The following PRKAR1B variants were observed in gnomAD, a reference collection of about 807,000 sequenced individuals.
PRKAR1B encodes the protein protein kinase cAMP-dependent type I regulatory subunit beta, also known as cAMP-dependent protein kinase type I-beta regulatory subunit.
PRKAR1B carries 22 observed loss-of-function variants against 46.5 expected under a neutral mutation model. The ratio of observed to expected loss-of-function variants is 0.47; its 90% CI spans 0.34 to 0.68. The LOEUF is 0.68. Ranked by LOEUF, PRKAR1B falls within the 30% of genes least tolerant of loss-of-function variation. The pLI, the probability that PRKAR1B is intolerant of heterozygous loss-of-function variation, is 0.01. For missense variants in PRKAR1B, 445 were observed against 535.6 expected (o/e 0.83, Z 1.67); for synonymous variants, 259 against 217.7 (o/e 1.19, Z -1.67).
chr7:724,557 A>T (rs1437012491), intron 1 of PRKAR1B, among the ~76,000 whole-genome samples: 1 of 152,218 alleles, frequency 6.6e-6, no homozygotes, highest in Non-Finnish European at 1.5e-5. Flanking sequence ...TCCCTGTATA[A>T]GTTACCCAGT....
chr7:644,760 G>A lies in PRKAR1B; in HGVS notation c.440+32469C>T, dbSNP rs1583348704. On this transcript the variant is annotated intron_variant, in intron 4 of 10. Coordinates refer to ENST00000537384, the MANE Select transcript of PRKAR1B (RefSeq NM_001164760.2). The surrounding 1 kb of genome is among the most constrained non-coding windows in gnomAD (Gnocchi z 4.9). ...CTCCCTCCCAGAGGGCAGGCACCAG[G>A]GCCAGACCCTTCCCCCAGACACCTC... Among the ~76,000 whole-genome samples the A allele has an allele frequency of 6.6e-6, 1 of 152,240 alleles. No individual in the cohort carries two copies. Among genetic ancestry groups the A allele is most frequent in the African/African-American group, 2.4e-5 (1 of 41,560 alleles).
At chr7:664,195 G>A (rs948340297) in intron 4 of PRKAR1B, among the ~76,000 whole-genome samples, 2 of 152,188 alleles carry the variant, frequency 1.3e-5, no homozygotes, top group Non-Finnish European at 2.9e-5. Context: ...GCTGGCAGGC[G>A]ACGGGGCTAT....
At chr7:685,371 T>C (rs1453314206) in intron 2 of PRKAR1B, among the ~76,000 whole-genome samples, 501 of 30,798 alleles carry the variant, frequency 0.016, 3 homozygotes, top group Admixed American at 0.029. Context: ...TATACACATA[T>C]ATATATATAC....
chr7:725,243 A>C (rs1440650101), intron 1 of PRKAR1B, among the ~76,000 whole-genome samples: 2 of 152,048 alleles, frequency 1.3e-5, no homozygotes, highest in Admixed American at 6.6e-5. Flanking sequence ...GTACCGACAA[A>C]CACCACCATT....
chr7:625,746 C>G (rs1397484024), intron 4 of PRKAR1B, among the ~76,000 whole-genome samples: 1 of 152,214 alleles, frequency 6.6e-6, no homozygotes, highest in Non-Finnish European at 1.5e-5. Flanking sequence ...GTGGCTCATG[C>G]CTGTAATCCC....
At chr7:637,554 C>T (rs1233128039) in intron 4 of PRKAR1B, among the ~76,000 whole-genome samples, 4 of 152,112 alleles carry the variant, frequency 2.6e-5, no homozygotes, top group Non-Finnish European at 4.4e-5. Flanking sequence ...AAATAATGGG[C>T]CGGGTGCGGT....
At chr7:663,735 G>C (rs2128497347) in intron 4 of PRKAR1B, among the ~76,000 whole-genome samples, 1 of 152,202 alleles carries the variant, frequency 6.6e-6, no homozygotes, top group East Asian at 1.9e-4. Flanking sequence ...CTGGAACTTG[G>C]GGACAGTGTT....
At chr7:722,792 A>T (rs928262953) in intron 1 of PRKAR1B, among the ~76,000 whole-genome samples, 1 of 152,206 alleles carries the variant, frequency 6.6e-6, no homozygotes, top group African/African-American at 2.4e-5. Context: ...TTGGTATGAC[A>T]AGTGATCTCC....
intron 6 of PRKAR1B, among the ~76,000 whole-genome samples, chr7:599,565 G>A (rs1371009324): frequency 6.6e-6 from 1 of 152,214 alleles, no homozygotes; most frequent in Non-Finnish European, 1.5e-5. Context: ...TGGGATTACA[G>A]GCGTGAGCCA....
chr7:585,359 C>T (rs1780536256), intron 7 of PRKAR1B, among the ~76,000 whole-genome samples: 1 of 152,130 alleles, frequency 6.6e-6, no homozygotes, highest in African/African-American at 2.4e-5. Context: ...GCACGAACTC[C>T]ACAACTGTAC....
intron 1 of PRKAR1B, among the ~76,000 whole-genome samples, chr7:715,904 A>T (rs1201796417): frequency 3.3e-5 from 5 of 151,760 alleles, no homozygotes; most frequent in Non-Finnish European, 7.4e-5. Context: ...TTTAGTAGAG[A>T]TGGGGTTTCA....
At chr7:656,361 A>ATGGG (rs1346568718) in intron 4 of PRKAR1B, among the ~76,000 whole-genome samples, 1 of 152,206 alleles carries the variant, frequency 6.6e-6, no homozygotes, top group Non-Finnish European at 1.5e-5. Flanking sequence ...GTATGGATGC[A>ATGGG]TGAATGAATG....
chr7:726,868 T>C, intron 1 of PRKAR1B: 1 of 1,320,270 alleles, frequency 7.6e-7, no homozygotes, highest in Non-Finnish European at 9.6e-7. Flanking sequence ...GCGGCGCGCC[T>C]TGGAGGCCCT....
chr7:638,918 A>G (rs1784257993), intron 4 of PRKAR1B, among the ~76,000 whole-genome samples: 1 of 152,002 alleles, frequency 6.6e-6, no homozygotes, highest in African/African-American at 2.4e-5. Context: ...TCTCTATTAC[A>G]AATACAAAAA....
chr7:727,126 G>A, intron 1 of PRKAR1B, 84 bp downstream of exon 1: 1 of 1,170,734 alleles, frequency 8.5e-7, no homozygotes. Context: ...CCGCCCGCCC[G>A]AGGCCTGTGA....
chr7:639,374 A>G (rs1784276859), intron 4 of PRKAR1B, among the ~76,000 whole-genome samples: 1 of 152,236 alleles, frequency 6.6e-6, no homozygotes, highest in Non-Finnish European at 1.5e-5. Context: ...GGACAACTGG[A>G]TACCCACTAA....
intron 8 of PRKAR1B, among the ~76,000 whole-genome samples, chr7:583,629 C>T (rs1780409820): frequency 7.0e-6 from 1 of 142,244 alleles, no homozygotes; most frequent in Admixed American, 6.8e-5. Flanking sequence ...CACACTCAAA[C>T]CCCCACACTC....
chr7:666,564 C>G lies in PRKAR1B; in HGVS notation c.440+10665G>C, dbSNP rs1785941604. ...CGTCCCAGGGGATAAGGACACCCCA[C>G]TCCAGCCCCAGCTGGACAATTGCTG... On this transcript the variant is annotated intron_variant, in intron 4 of 10. Transcript: ENST00000537384. This position sits in a 1 kb window ranked among gnomAD's most constrained non-coding sequence, Gnocchi z 4.9. Among the ~76,000 whole-genome samples, 2 of 152,236 alleles carry G rather than the reference C, an allele frequency of 1.3e-5. No homozygotes were observed. The highest frequency in any genetic ancestry group is 2.9e-5 in the Non-Finnish European group (2 of 68,036).
At chr7:635,944 A>ACCGGCCGCGCCCTCACG (rs199876989) in intron 4 of PRKAR1B, among the ~76,000 whole-genome samples, 6 of 109,322 alleles carry the variant, frequency 5.5e-5, no homozygotes, top group South Asian at 3.3e-4. Context: ...GCGCCCACAC[A>ACCGGCCGCGCCCTCACG]TCCTCCACCG....
Sources: allele counts gnomAD v4.1 joint callset (sites outside exome capture counted in the v4.1 genomes callset), GRCh38; gene constraint gnomAD v4.1.1; non-coding constraint Gnocchi (gnomAD v3.1); transcripts MANE v1.5; gene names NCBI Gene and HGNC (gene_info 2026-07-23, HGNC 2026-07-21).